The following MACF1 variants were observed in gnomAD, a reference collection of about 807,000 sequenced individuals.
MACF1 encodes the protein microtubule actin crosslinking factor 1, also known as microtubule-actin cross-linking factor 1.
In MACF1, 193 loss-of-function variants were observed where a neutral mutation model predicts 854.8. The observed-to-expected ratio is 0.23, with a 90% CI of 0.20 to 0.25. The LOEUF (loss-of-function observed/expected upper bound fraction) is 0.25, where lower values mean the gene tolerates loss of function less well. MACF1 is among the 10% of genes least tolerant of loss of function. The probability of loss-of-function intolerance (pLI) is 1.00; values close to 1 mark genes in which losing one functional copy is unlikely to be tolerated. For synonymous variants in MACF1, 3,185 were observed against 3,226.7 expected, an observed-to-expected ratio of 0.99 and a Z score of 0.44; for missense variants, 7,722 against 8,929.1, an observed-to-expected ratio of 0.86 and a Z score of 5.45.
chr1:39,468,865 T>C, intron 96 of MACF1, 133 bp downstream of exon 96: 1 of 765,362 alleles, frequency 1.3e-6, no homozygotes, highest in Non-Finnish European at 2.2e-6. Context: ...GTCATCCCAC[T>C]AGCACAGATT....
At chr1:39,108,957 C>G (rs1375918445) in intron 2 of MACF1, among the ~76,000 whole-genome samples, 3 of 152,132 alleles carry the variant, frequency 2.0e-5, no homozygotes, top group African/African-American at 7.2e-5. Flanking sequence ...TAGTTAGGAC[C>G]AATTTTCATT....
chr1:39,200,992 C>G (rs940275111), upstream of MACF1, among the ~76,000 whole-genome samples: 12 of 152,292 alleles, frequency 7.9e-5, no homozygotes, highest in African/African-American at 2.6e-4. Context: ...CATTTCTACC[C>G]TGCCCCCCCA....
At chr1:39,320,503 T>C (rs562035904) in intron 31 of MACF1, among the ~76,000 whole-genome samples, 8 of 152,236 alleles carry the variant, frequency 5.3e-5, no homozygotes, top group Non-Finnish European at 1.2e-4. Context: ...GTGGAGAAAA[T>C]GTGTACCTTA....
intron 70 of MACF1, chr1:39,436,421 G>T (rs1321743671): frequency 1.3e-6 from 2 of 1,594,316 alleles, no homozygotes; most frequent in Non-Finnish European, 1.7e-6. Flanking sequence ...GTTGCTGCCT[G>T]CTCCTGTCTT....
upstream of MACF1, among the ~76,000 whole-genome samples, chr1:39,199,943 A>G (rs1644368207): frequency 6.6e-6 from 1 of 152,196 alleles, no homozygotes; most frequent in Non-Finnish European, 1.5e-5. Flanking sequence ...ACATATCAAG[A>G]ATTCTCTATT....
At chr1:39,386,891 G>T (rs1237554243) in intron 57 of MACF1, among the ~76,000 whole-genome samples, 1 of 152,178 alleles carries the variant, frequency 6.6e-6, no homozygotes, top group Non-Finnish European at 1.5e-5. Context: ...TGATAACTTG[G>T]TAGAAGAAAA....
intron 35 of MACF1, among the ~76,000 whole-genome samples, chr1:39,326,083 G>A (rs1345291811): frequency 6.6e-6 from 1 of 152,142 alleles, no homozygotes; most frequent in African/African-American, 2.4e-5. Flanking sequence ...GTAAGGAACT[G>A]ATCAAGAATA....
chr1:39,255,771 T>C (rs977636176), intron 5 of MACF1, among the ~76,000 whole-genome samples: 1 of 152,192 alleles, frequency 6.6e-6, no homozygotes, highest in African/African-American at 2.4e-5. Flanking sequence ...TGGAGGTTGC[T>C]GAAGTGTTTA....
intron 2 of MACF1, among the ~76,000 whole-genome samples, chr1:39,171,895 G>T (rs1643954816): frequency 1.3e-5 from 2 of 152,188 alleles, no homozygotes; most frequent in African/African-American, 4.8e-5. Flanking sequence ...CAAAGTGCTG[G>T]GATTATAGGC....
intron 97 of MACF1, among the ~76,000 whole-genome samples, chr1:39,471,416 T>C (rs1644774867): frequency 6.6e-6 from 1 of 152,218 alleles, no homozygotes; most frequent in African/African-American, 2.4e-5. Flanking sequence ...TAGAGAATGC[T>C]ATACTGAGGA....
intron 6 of MACF1, among the ~76,000 whole-genome samples, chr1:39,272,349 CAG>C (rs540487714): frequency 2.0e-4 from 31 of 152,290 alleles, no homozygotes; most frequent in African/African-American, 6.0e-4. Flanking sequence ...GCCAGAGAAA[CAG>C]AGAGGGCAAC....
intron 2 of MACF1, among the ~76,000 whole-genome samples, chr1:39,131,848 T>C (rs1476379303): frequency 6.6e-6 from 1 of 152,228 alleles, no homozygotes; most frequent in Non-Finnish European, 1.5e-5. Context: ...GGTCTTGCAG[T>C]GTTGCCTAGG....
intron 58 of MACF1, among the ~76,000 whole-genome samples, chr1:39,393,196 A>AATATATATATATATATATATAT (rs1553345251): frequency 1.5e-5 from 1 of 66,554 alleles, no homozygotes; most frequent in African/African-American, 8.4e-5. Context: ...AAAAAAAAAA[A>AATATATATATATATATATATAT]ATATATATAT....
intron 80 of MACF1, among the ~76,000 whole-genome samples, chr1:39,445,962 A>C (rs1304212795): frequency 6.6e-6 from 1 of 152,250 alleles, no homozygotes; most frequent in Non-Finnish European, 1.5e-5. Flanking sequence ...TATCTCCAAA[A>C]AAAAGAGAAA....
rs1644240465 is a variant in MACF1, at chr1:39,190,413, T to TG, written c.221-40769_221-40768insG. On this transcript the variant is annotated intron_variant, in intron 2 of 93. Transcript: ENST00000361689. ...TGTGTTTGTTTTTGTTTTTTTTTTT[T>TG]TTTTTTGATGGAATCTTGCTTTGTC... is the stretch of plus-strand genomic sequence containing the variant. Among the ~76,000 whole-genome samples, 4 of 142,706 alleles carry TG rather than the reference T, an allele frequency of 2.8e-5. No homozygotes were observed. In the South Asian group the frequency reaches 9.1e-4, roughly 32 times the overall value. 93.6% of individuals were successfully genotyped at this position (142,706 alleles called of 152,430 possible).
At chr1:39,360,053 ACACACACACACACACACATATG>A (rs1648025394) in intron 47 of MACF1, among the ~76,000 whole-genome samples, 1 of 57,632 alleles carries the variant, frequency 1.7e-5, no homozygotes, top group Non-Finnish European at 3.9e-5. Flanking sequence ...ATATATATAT[ACACACACACACACACACATATG>A]TATATACACA....
intron 19 of MACF1, 148 bp from the exon 20 acceptor site, chr1:39,295,639 G>A (rs1645883995): frequency 1.6e-6 from 1 of 609,752 alleles, no homozygotes; most frequent in Non-Finnish European, 2.9e-6. Context: ...CTCGTGGGAA[G>A]CATTGAGCAG....
chr1:39,105,612 G>T lies in MACF1; in HGVS notation c.220+21174G>T. 1 of 1,222,000 alleles carries T rather than the reference G, an allele frequency of 8.2e-7. No homozygotes were observed. The highest frequency in any genetic ancestry group is 1.4e-5 in the South Asian group (1 of 73,758). 75.7% of individuals were successfully genotyped at this position (1,222,000 alleles called of 1,614,324 possible). ...GCCCCCGGGGCTCGGCGAGAAGGCG[G>T]TGCGGGCGGCCATGGCCGGCTACGT... On this transcript the variant is annotated intron_variant, in intron 2 of 93. Transcript: ENST00000361689. The surrounding 1 kb of genome is among the most constrained non-coding windows in gnomAD (Gnocchi z 5.9).
Position 39,257,869 on chromosome 1 carries a change from T to G in MACF1, c.436-67T>G, listed in dbSNP as rs896367421. The G allele has an allele frequency of 1.1e-5, 13 of 1,145,214 alleles. No individual in the cohort carries two copies. In the African/African-American group the frequency reaches 1.7e-4, roughly 15 times the overall value. 70.9% of individuals were successfully genotyped at this position (1,145,214 alleles called of 1,614,324 possible). A position where few individuals can be genotyped will look rare whatever the true frequency, so the allele number is the denominator to read the frequency against. ...GTTTAACTGTAAATCAATAATGAAG[T>G]GATGCAAAAATTTAATCAAAACAAA... On this transcript the variant is annotated intron_variant, in intron 5 of 100. Coordinates refer to ENST00000564288, the MANE Select transcript of MACF1 (RefSeq NM_001394062.1).
Sources: allele counts gnomAD v4.1 joint callset (sites outside exome capture counted in the v4.1 genomes callset), GRCh38; gene constraint gnomAD v4.1.1; non-coding constraint Gnocchi (gnomAD v3.1); transcripts MANE v1.5; gene names NCBI Gene and HGNC (gene_info 2026-07-23, HGNC 2026-07-21).